SAMMSON: variants seen among roughly 807,000 people sequenced by gnomAD.
SAMMSON encodes the protein survival associated mitochondrial melanoma specific oncogenic non-coding RNA, also known as long intergenic non-protein coding RNA 1212.
chr3:70,198,641 T>C (rs1389058332), intron 4 of SAMMSON, among the ~76,000 whole-genome samples: 2 of 152,194 alleles, frequency 1.3e-5, no homozygotes, highest in African/African-American at 4.8e-5. Flanking sequence ...CCCAGAAAGA[T>C]GGTGGTAAAG....
chr3:70,412,633 G>A (rs964044257), intron 2 of SAMMSON, among the ~76,000 whole-genome samples: 2 of 152,126 alleles, frequency 1.3e-5, no homozygotes, highest in African/African-American at 2.4e-5. Context: ...ATTTTAACAC[G>A]ATATTTCCTT....
At chr3:70,382,699 G>A (rs1350699592) in intron 9 of SAMMSON, among the ~76,000 whole-genome samples, 7 of 151,026 alleles carry the variant, frequency 4.6e-5, no homozygotes, top group Non-Finnish European at 7.4e-5. Flanking sequence ...TGAGAGTGTT[G>A]TAAAAATTAT....
chr3:70,130,247 G>A (rs928120257), intron 4 of SAMMSON, among the ~76,000 whole-genome samples: 5 of 152,182 alleles, frequency 3.3e-5, no homozygotes, highest in Admixed American at 2.6e-4. Context: ...TCAAAGAATT[G>A]CATCTGAGGA....
intron 3 of SAMMSON, among the ~76,000 whole-genome samples, chr3:70,035,330 A>G (rs2067081347): frequency 6.6e-6 from 1 of 151,716 alleles, no homozygotes; most frequent in Non-Finnish European, 1.5e-5. Flanking sequence ...TATTTCTTCT[A>G]CTGTTGACTA....
intron 6 of SAMMSON, among the ~76,000 whole-genome samples, chr3:70,269,290 C>T (rs943321209): frequency 6.6e-6 from 1 of 152,102 alleles, no homozygotes; most frequent in Non-Finnish European, 1.5e-5. Context: ...TAAGTTTAGC[C>T]TAAAGCTGGC....
chr3:70,412,929 CT>C (rs1701231217), intron 2 of SAMMSON, among the ~76,000 whole-genome samples: 1 of 152,106 alleles, frequency 6.6e-6, no homozygotes, highest in African/African-American at 2.4e-5. Flanking sequence ...AAAATGATGC[CT>C]AGCAAGCAGA....
intron 1 of SAMMSON, among the ~76,000 whole-genome samples, chr3:70,005,412 T>G (rs1018429395): frequency 2.0e-5 from 3 of 152,202 alleles, no homozygotes; most frequent in African/African-American, 7.2e-5. Context: ...TTGTCCCACA[T>G]TGCATCTCTG....
intron 4 of SAMMSON, among the ~76,000 whole-genome samples, chr3:70,111,075 T>A (rs2067386117): frequency 6.6e-6 from 1 of 152,160 alleles, no homozygotes; most frequent in Non-Finnish European, 1.5e-5. Context: ...TCTTGGTCCA[T>A]TGAAAAATGA....
chr3:70,079,593 G>A lies in SAMMSON; in HGVS notation n.507+8028G>A, dbSNP rs78680612. Among the ~76,000 whole-genome samples the A allele has an allele frequency of 7.2e-3, 1,091 of 152,242 alleles. 18 individuals are homozygous for A. Among genetic ancestry groups the A allele is most frequent in the African/African-American group, 0.025 (1,033 of 41,530 alleles). On this transcript the variant is annotated intron_variant and non_coding_transcript_variant, in intron 4 of 9. Transcript: ENST00000642114. ...ATATTCAGCACTTTTCTATAAAATA[G>A]GCTTTGCGTTAGATAATTTTGCCCA...
At chr3:70,218,661 G>C (rs1454793067) in intron 4 of SAMMSON, among the ~76,000 whole-genome samples, 1 of 152,038 alleles carries the variant, frequency 6.6e-6, no homozygotes, top group Non-Finnish European at 1.5e-5. Flanking sequence ...CCTCCCAGCA[G>C]AACTATTCCT....
In SAMMSON at chr3:70,019,613, G is replaced by A. The variant is rs143022613; in HGVS notation, n.417+5941G>A. 3.6e-3 allele frequency among the ~76,000 whole-genome samples: 543 copies of A among 152,224 alleles called. 1 individual carries two copies. The highest frequency in any genetic ancestry group is 0.012 in the African/African-American group (486 of 41,536). On this transcript the variant is annotated intron_variant and non_coding_transcript_variant, in intron 3 of 9. Coordinates refer to ENST00000642114, the Ensembl canonical transcript of SAMMSON. The stretch of plus-strand genomic sequence containing the variant: ...GGTTAATATTGTTATGTGTGAATTT[G>A]ATCCTGTCATTATGATGTTAGCTGG...
chr3:70,000,889 C>T (rs2066903046), intron 1 of SAMMSON, among the ~76,000 whole-genome samples: 1 of 152,200 alleles, frequency 6.6e-6, no homozygotes, highest in Admixed American at 6.5e-5. Flanking sequence ...CTCTAAAGAG[C>T]TGGAGCCCCA....
At chr3:70,105,586 G>A (rs1189941669) in intron 4 of SAMMSON, among the ~76,000 whole-genome samples, 1 of 152,150 alleles carries the variant, frequency 6.6e-6, no homozygotes, top group Non-Finnish European at 1.5e-5. Context: ...GTGGAAGAGA[G>A]CACAAAACTT....
chr3:70,076,224 G>A (rs983067323), intron 4 of SAMMSON, among the ~76,000 whole-genome samples: 3 of 152,040 alleles, frequency 2.0e-5, no homozygotes, highest in Non-Finnish European at 2.9e-5. Flanking sequence ...TGAGGGTGGC[G>A]TGGGAGAAGA....
chr3:70,395,670 T>C (rs1575640637), intron 2 of SAMMSON, among the ~76,000 whole-genome samples: 1 of 152,130 alleles, frequency 6.6e-6, no homozygotes, highest in East Asian at 1.9e-4. Context: ...TGGGGAAGAA[T>C]AATGGGTTTA....
chr3:70,420,926 T>G (rs1044318087), intron 2 of SAMMSON, among the ~76,000 whole-genome samples: 2 of 127,658 alleles, frequency 1.6e-5, no homozygotes, highest in African/African-American at 5.8e-5. Flanking sequence ...AGATGTAAGA[T>G]AACAGTTTTG....
chr3:70,431,342 G>T (rs9862925), intron 2 of SAMMSON, among the ~76,000 whole-genome samples: 23,835 of 151,946 alleles, frequency 0.16, 2,075 homozygotes, highest in Non-Finnish European at 0.19. Flanking sequence ...AAATCTGTGA[G>T]ATCCTTTGTC....
downstream of SAMMSON, among the ~76,000 whole-genome samples, chr3:70,391,074 T>C (rs1427915208): frequency 6.6e-6 from 1 of 152,150 alleles, no homozygotes; most frequent in Non-Finnish European, 1.5e-5. Flanking sequence ...TAGTGGTAAT[T>C]TACAGAGAAA....
intron 3 of SAMMSON, among the ~76,000 whole-genome samples, chr3:70,025,950 A>G (rs2067035622): frequency 6.6e-6 from 1 of 152,082 alleles, no homozygotes; most frequent in African/African-American, 2.4e-5. Context: ...GAGGAGGAGG[A>G]GGAAGAGGAG....
Sources: allele counts gnomAD v4.1 joint callset (sites outside exome capture counted in the v4.1 genomes callset), GRCh38; gene constraint gnomAD v4.1.1; transcripts MANE v1.5; gene names NCBI Gene and HGNC (gene_info 2026-07-23, HGNC 2026-07-21).